PAX5: variants seen among roughly 807,000 people sequenced by gnomAD.
PAX5 encodes paired box 5.
Under a neutral mutation model 43.7 loss-of-function variants are expected in PAX5, and 9 were observed. The ratio of observed to expected loss-of-function variants is 0.21; its 90% confidence interval spans 0.12 to 0.36. The LOEUF (loss-of-function observed/expected upper bound fraction) is 0.36. PAX5 is among the 10% of genes least tolerant of loss of function. The probability of loss-of-function intolerance (pLI) is 1.00; values close to 1 mark genes in which losing one functional copy is unlikely to be tolerated. For missense variants in PAX5, 383 were observed against 532.7 expected (o/e 0.72, Z 2.77); for synonymous variants, 228 against 214.3 (o/e 1.06, Z -0.56).
At chr9:36,931,781 G>A (rs774718077) in intron 6 of PAX5, among the ~76,000 whole-genome samples, 4 of 150,442 alleles carry the variant, frequency 2.7e-5, no homozygotes, top group South Asian at 2.1e-4. Context: ...CCCAGGAGGC[G>A]GAGGCTGCAC....
chr9:36,847,970 C>T (rs888189645), intron 8 of PAX5, among the ~76,000 whole-genome samples: 5 of 152,170 alleles, frequency 3.3e-5, no homozygotes, highest in East Asian at 1.9e-4. Flanking sequence ...GCCCAGTACC[C>T]GGCAGACTGT....
At chr9:37,031,549 G>A (rs1840983656) in intron 1 of PAX5, among the ~76,000 whole-genome samples, 1 of 152,146 alleles carries the variant, frequency 6.6e-6, no homozygotes, top group Non-Finnish European at 1.5e-5. Context: ...TTTTCTCCAA[G>A]GGGGTCCATG....
rs575539900 is a variant in PAX5, at chr9:36,960,103, T to C, written c.780+6446A>G. The stretch of plus-strand genomic sequence containing the variant: ...AAGAGACAAGTTGGTGCAGGCCGAA[T>C]TGGTGCAGGGCCATTGAAGGCCTCA... On this transcript the variant is annotated intron_variant, in intron 6 of 9. Coordinates refer to ENST00000358127, the MANE Select transcript of PAX5 (RefSeq NM_016734.3). Among the ~76,000 whole-genome samples the C allele has an allele frequency of 3.3e-5, 5 of 152,316 alleles. No individual in the cohort carries two copies. The South Asian group carries it at 1.0e-3, about 32-fold the overall frequency.
chr9:37,020,861 G>A (rs2132504143), intron 1 of PAX5, 60 bp from the exon 2 acceptor site: 2 of 1,578,204 alleles, frequency 1.3e-6, no homozygotes, highest in Non-Finnish European at 1.7e-6. Context: ...TCACATAGGA[G>A]AAGCACCGCT....
intron 1 of PAX5, among the ~76,000 whole-genome samples, chr9:37,027,006 C>G (rs891146951): frequency 6.6e-6 from 1 of 152,200 alleles, no homozygotes; most frequent in Non-Finnish European, 1.5e-5. Flanking sequence ...ACTCAGGGGG[C>G]GGAGAGACCC....
intron 9 of PAX5, among the ~76,000 whole-genome samples, chr9:36,841,623 C>G (rs1227088850): frequency 6.6e-6 from 1 of 152,234 alleles, no homozygotes; most frequent in African/African-American, 2.4e-5. Context: ...GGAGTCTGTC[C>G]CCAGTTCCAG....
intron 5 of PAX5, among the ~76,000 whole-genome samples, chr9:36,983,703 A>C (rs1836132797): frequency 6.6e-6 from 1 of 152,128 alleles, no homozygotes; most frequent in South Asian, 2.1e-4. Flanking sequence ...TGAACTCCTC[A>C]GCTCAAGGGA....
intron 6 of PAX5, among the ~76,000 whole-genome samples, chr9:36,948,962 G>A (rs1832777538): frequency 6.6e-6 from 1 of 152,080 alleles, no homozygotes; most frequent in Non-Finnish European, 1.5e-5. Flanking sequence ...TGATAATAAA[G>A]GAACATTTGG....
In PAX5 at chr9:36,882,124, A is replaced by G; in HGVS notation, c.911-19T>C. ...TCACGGCCTGAGGAATCAAAGCAACAAATCACAGGGTGAGCATCTTCGCGG... is the reference window on the plus strand; with the variant it reads ...TCACGGCCTGAGGAATCAAAGCAACGAATCACAGGGTGAGCATCTTCGCGG... On this transcript the variant is annotated intron_variant, in intron 7 of 9. Transcript: ENST00000358127. The surrounding 1 kb of genome is among the most constrained non-coding windows in gnomAD (Gnocchi z 4.4). The G allele has an allele frequency of 6.4e-7, 1 of 1,565,814 alleles. No homozygotes were observed. The highest frequency in any genetic ancestry group is 8.7e-7 in the Non-Finnish European group (1 of 1,148,976).
chr9:36,881,667 G>A (rs907362066), intron 8 of PAX5, among the ~76,000 whole-genome samples: 11 of 151,870 alleles, frequency 7.2e-5, no homozygotes, highest in African/African-American at 2.4e-4. Flanking sequence ...GGGCCGGGAG[G>A]GAGGGAAGGT....
intron 5 of PAX5, among the ~76,000 whole-genome samples, chr9:36,979,068 AT>A (rs1375961332): frequency 6.6e-6 from 1 of 152,206 alleles, no homozygotes; most frequent in Non-Finnish European, 1.5e-5. Context: ...ATAGAATTCA[AT>A]TGATCAATCA....
At chr9:36,856,838 CA>C (rs1823724117) in intron 8 of PAX5, among the ~76,000 whole-genome samples, 1 of 152,208 alleles carries the variant, frequency 6.6e-6, no homozygotes, top group Non-Finnish European at 1.5e-5. Flanking sequence ...AGCCGGATTA[CA>C]AAGATAGGAA....
rs918147586 is a variant in PAX5 at position 36,843,171 on chromosome 9, T to C, written c.1100-2535A>G. Among the ~76,000 whole-genome samples the C allele has an allele frequency of 4.6e-5, 7 of 152,008 alleles. 1 individual carries two copies. The highest frequency in any genetic ancestry group is 1.0e-4 in the Non-Finnish European group (7 of 67,984). ...GTGTGTGTGTAGGGTTCTCGCCTGT[T>C]CCACAGAGCGCACCAATCTAACAGG... On this transcript the variant is annotated intron_variant, in intron 9 of 9. Coordinates refer to ENST00000358127, the MANE Select transcript of PAX5 (RefSeq NM_016734.3).
Position 36,836,826 on chromosome 9 carries a change from C to T in PAX5, c.*3734G>A, listed in dbSNP as rs1406198554. 1 of 232,222 alleles carries T rather than the reference C, an allele frequency of 4.3e-6. No individual in the cohort carries two copies. The highest frequency in any genetic ancestry group is 6.1e-5 in the East Asian group (1 of 16,480). 14.4% of individuals were successfully genotyped at this position (232,222 alleles called of 1,614,324 possible). On this transcript the variant is annotated 3_prime_UTR_variant, in exon 10 of 10. Coordinates refer to ENST00000358127, the MANE Select transcript of PAX5 (RefSeq NM_016734.3). The stretch of plus-strand genomic sequence containing the variant: ...GCACATGACCTTGGCACCTGGACCC[C>T]TGGAGTCAGGGCTGGACCCATGTCC...
At chr9:36,978,602 T>C (rs1419794496) in intron 5 of PAX5, among the ~76,000 whole-genome samples, 1 of 152,206 alleles carries the variant, frequency 6.6e-6, no homozygotes, top group Non-Finnish European at 1.5e-5. Flanking sequence ...GTCTGTATTT[T>C]TTCCCAAGGA....
chr9:37,005,027 T>C (rs1486155602), intron 4 of PAX5, among the ~76,000 whole-genome samples: 1 of 152,252 alleles, frequency 6.6e-6, no homozygotes, highest in African/African-American at 2.4e-5. Flanking sequence ...TACAGTAGAA[T>C]TATTCTTCTA....
intron 8 of PAX5, among the ~76,000 whole-genome samples, chr9:36,848,580 G>T (rs185325918): frequency 5.3e-5 from 8 of 152,262 alleles, no homozygotes; most frequent in African/African-American, 1.7e-4. Flanking sequence ...CTCCTCAGGT[G>T]GGGGAGTAGA....
intron 7 of PAX5, among the ~76,000 whole-genome samples, chr9:36,889,043 G>A (rs1196988556): frequency 6.6e-6 from 1 of 152,162 alleles, no homozygotes; most frequent in East Asian, 1.9e-4. Flanking sequence ...GTGTAACAAT[G>A]GTACTCTCTG....
At chr9:36,979,196 C>T (rs1311482803) in intron 5 of PAX5, among the ~76,000 whole-genome samples, 1 of 152,198 alleles carries the variant, frequency 6.6e-6, no homozygotes, top group East Asian at 1.9e-4. Flanking sequence ...CAGCCTCTGT[C>T]TGCCAACGTG....
Sources: allele counts gnomAD v4.1 joint callset (sites outside exome capture counted in the v4.1 genomes callset), GRCh38; gene constraint gnomAD v4.1.1; non-coding constraint Gnocchi (gnomAD v3.1); transcripts MANE v1.5; gene names NCBI Gene and HGNC (gene_info 2026-07-23, HGNC 2026-07-21).